Variants in TM9SF3 observed in about 807,000 individuals in gnomAD.
TM9SF3 encodes the protein transmembrane 9 superfamily member 3, also known as SM-11044-binding protein.
TM9SF3 carries 14 observed loss-of-function variants against 78.6 expected under a neutral mutation model. The ratio of observed to expected loss-of-function variants is 0.18; its 90% CI spans 0.12 to 0.28. The LOEUF is 0.28. Ranked by LOEUF, TM9SF3 falls within the 10% of genes least tolerant of loss-of-function variation. TM9SF3 has a pLI of 1.00. For synonymous variants in TM9SF3, 231 were observed against 241.7 expected, an observed-to-expected ratio of 0.96 and a Z score of 0.41; for missense variants, 496 against 721.9, an observed-to-expected ratio of 0.69 and a Z score of 3.59.
intron 4 of TM9SF3, chr10:96,560,621 T>C (rs1848294937): frequency 1.5e-6 from 1 of 655,084 alleles, no homozygotes; most frequent in South Asian, 1.4e-5. Flanking sequence ...TCCCTGGAGG[T>C]GGTAGCAAGG....
At chr10:96,532,943 T>C (rs1050780994) in intron 10 of TM9SF3, 108 bp downstream of exon 10, 1 of 1,352,920 alleles carries the variant, frequency 7.4e-7, no homozygotes, top group Non-Finnish European at 1.0e-6. Context: ...AAACTTAAGA[T>C]TGTCATTATC....
chr10:96,542,914 G>C (rs908825357), intron 9 of TM9SF3, among the ~76,000 whole-genome samples: 2 of 152,110 alleles, frequency 1.3e-5, no homozygotes, highest in African/African-American at 4.8e-5. Context: ...AAAGTCACCT[G>C]GAATTTTTGG....
chr10:96,532,950 T>G, intron 10 of TM9SF3, 101 bp downstream of exon 10: 1 of 1,388,388 alleles, frequency 7.2e-7, no homozygotes. Flanking sequence ...AGATTGTCAT[T>G]ATCATAAATA....
intron 8 of TM9SF3, among the ~76,000 whole-genome samples, chr10:96,546,055 A>G (rs1306650829): frequency 6.6e-6 from 1 of 152,198 alleles, no homozygotes; most frequent in African/African-American, 2.4e-5. Context: ...AAACCCTTGA[A>G]GTCTCTGGCT....
chr10:96,572,746 G>A (rs909128615), intron 2 of TM9SF3, among the ~76,000 whole-genome samples: 5 of 151,712 alleles, frequency 3.3e-5, no homozygotes, highest in African/African-American at 1.2e-4. Flanking sequence ...TCGACCCCCT[G>A]ACCTCGTGAT....
intron 14 of TM9SF3, among the ~76,000 whole-genome samples, chr10:96,525,639 T>C (rs139934665): frequency 1.5e-4 from 23 of 152,086 alleles, no homozygotes; most frequent in Non-Finnish European, 2.4e-4. Context: ...CACACATACA[T>C]ACATAAATAG....
rs189215831 is a variant in TM9SF3, at chr10:96,550,085, T to C, written c.959+1160A>G. ...GAAAATATGAACTACTCGCCAGAAC[T>C]CTGAAGTTTAGATTTGGGTTATTTT... is the stretch of plus-strand genomic sequence containing the variant. On this transcript the variant is annotated intron_variant, in intron 7 of 14. Coordinates refer to ENST00000371142, the MANE Select transcript of TM9SF3 (RefSeq NM_020123.4). 2.0e-3 allele frequency among the ~76,000 whole-genome samples: 306 copies of C among 152,334 alleles called. 1 individual carries two copies. The highest frequency in any genetic ancestry group is 6.2e-3 in the African/African-American group (256 of 41,574).
chr10:96,533,384 C>T (rs1288680824), intron 9 of TM9SF3, among the ~76,000 whole-genome samples, 194 bp from the exon 10 acceptor site: 1 of 152,166 alleles, frequency 6.6e-6, no homozygotes, highest in African/African-American at 2.4e-5. Flanking sequence ...AAACTGAATA[C>T]AAGTTGAACT....
chr10:96,544,276 A>T, intron 8 of TM9SF3, 70 bp from the exon 9 acceptor site: 1 of 1,322,564 alleles, frequency 7.6e-7, no homozygotes, highest in Non-Finnish European at 1.0e-6. Flanking sequence ...TGAAATTTTA[A>T]TATAAAGATC....
intron 9 of TM9SF3, among the ~76,000 whole-genome samples, chr10:96,535,238 T>C (rs1847943507): frequency 1.3e-5 from 2 of 152,226 alleles, no homozygotes; most frequent in South Asian, 4.1e-4. Context: ...GAAATAGTGA[T>C]TAAGCTGTGA....
intron 8 of TM9SF3, among the ~76,000 whole-genome samples, chr10:96,547,678 G>C (rs1848118615): frequency 6.6e-6 from 1 of 152,118 alleles, no homozygotes; most frequent in African/African-American, 2.4e-5. Context: ...AATTAGCTGG[G>C]CATGGTGGCA....
chr10:96,572,519 C>A (rs1361169905), intron 2 of TM9SF3, among the ~76,000 whole-genome samples: 2 of 149,570 alleles, frequency 1.3e-5, no homozygotes, highest in Non-Finnish European at 3.0e-5. Flanking sequence ...ATATTTAACG[C>A]ATTTTCTTTT....
intron 9 of TM9SF3, among the ~76,000 whole-genome samples, chr10:96,541,644 A>G (rs1358121589): frequency 6.6e-6 from 1 of 152,158 alleles, no homozygotes; most frequent in Non-Finnish European, 1.5e-5. Context: ...TCAGCCTCCC[A>G]TGCTGGAATT....
intron 1 of TM9SF3, among the ~76,000 whole-genome samples, chr10:96,581,433 C>T (rs1204693294): frequency 6.6e-6 from 1 of 151,994 alleles, no homozygotes; most frequent in Non-Finnish European, 1.5e-5. Flanking sequence ...AAATAATGTT[C>T]CAGAAATCAT....
At chr10:96,562,666 T>G (rs1031661586) in intron 3 of TM9SF3, among the ~76,000 whole-genome samples, 4 of 152,198 alleles carry the variant, frequency 2.6e-5, no homozygotes. Flanking sequence ...CCTCAACTGC[T>G]GGATCTGTCC....
intron 7 of TM9SF3, 100 bp downstream of exon 7, chr10:96,551,145 A>T: frequency 1.0e-6 from 1 of 982,980 alleles, no homozygotes; most frequent in South Asian, 1.8e-5. Flanking sequence ...AAGATAAAGG[A>T]AATAAGTAAC....
intron 8 of TM9SF3, among the ~76,000 whole-genome samples, chr10:96,545,670 A>C (rs1848088534): frequency 6.6e-6 from 1 of 152,172 alleles, no homozygotes; most frequent in Admixed American, 6.5e-5. Context: ...CGAGCAGATC[A>C]CCTGAAGTCA....
At chr10:96,531,396 T>TA (rs35386087) in intron 10 of TM9SF3, among the ~76,000 whole-genome samples, 89,236 of 151,796 alleles carry the variant, frequency 0.59, 27,941 homozygotes, top group East Asian at 0.83. Flanking sequence ...TACATATATA[T>TA]AAAAAACCTC....
chr10:96,523,331 C>T (rs554449736), intron 14 of TM9SF3, among the ~76,000 whole-genome samples: 15 of 151,802 alleles, frequency 9.9e-5, no homozygotes, highest in African/African-American at 2.7e-4. Flanking sequence ...CATCCTTGAA[C>T]GAATCTTTTA....
Sources: gnomAD v4.1 joint callset for allele counts (sites outside exome capture counted in the v4.1 genomes callset) on GRCh38, gnomAD v4.1.1 for gene constraint, MANE v1.5 for transcripts, NCBI Gene and HGNC (gene_info 2026-07-23, HGNC 2026-07-21) for gene names.